DDX10: variants seen among roughly 807,000 people sequenced by gnomAD.
DDX10 encodes the protein DEAD-box helicase 10, also known as probable ATP-dependent RNA helicase DDX10.
A neutral mutation model predicts 104.3 loss-of-function variants in DDX10; 74 were observed. That is an observed-to-expected ratio of 0.71 (90% CI 0.59 to 0.86). The LOEUF is 0.86. DDX10 is among the 40% of genes least tolerant of loss of function. DDX10 has a pLI of 0.00. For missense variants in DDX10, 952 were observed against 1,040.0 expected (o/e 0.92, Z 1.16); for synonymous variants, 351 against 353.4 (o/e 0.99, Z 0.08).
intron 13 of DDX10, among the ~76,000 whole-genome samples, chr11:108,736,279 A>G (rs1489639398): frequency 1.3e-5 from 2 of 151,452 alleles, no homozygotes; most frequent in South Asian, 2.1e-4. Context: ...TTATATGGCC[A>G]TAAAATTATA....
At chr11:108,723,725 A>G (rs944137865) in intron 13 of DDX10, among the ~76,000 whole-genome samples, 5 of 152,192 alleles carry the variant, frequency 3.3e-5, no homozygotes, top group Non-Finnish European at 7.4e-5. Context: ...AAAAGTTGCC[A>G]AAGTCCTGAT....
intron 10 of DDX10, among the ~76,000 whole-genome samples, chr11:108,713,252 T>C (rs986282573): frequency 1.2e-4 from 19 of 152,146 alleles, no homozygotes; most frequent in African/African-American, 4.6e-4. Context: ...GGGGAAATTC[T>C]GAGTCATTAC....
At chr11:108,819,996 G>A (rs1862305233) in intron 13 of DDX10, among the ~76,000 whole-genome samples, 1 of 152,208 alleles carries the variant, frequency 6.6e-6, no homozygotes, top group Non-Finnish European at 1.5e-5. Flanking sequence ...ATTTCAATCA[G>A]TGGAATTGTG....
intron 2 of DDX10, among the ~76,000 whole-genome samples, chr11:108,673,795 G>T (rs145879559): frequency 2.0e-5 from 3 of 152,292 alleles, no homozygotes; most frequent in African/African-American, 7.2e-5. Context: ...AACAAACCAA[G>T]ATGCAACACC....
Position 108,677,776 on chromosome 11 carries a change from A to G in DDX10, c.537+533A>G, listed in dbSNP as rs551427660. Among the ~76,000 whole-genome samples, 4 of 151,394 alleles carry G rather than the reference A, an allele frequency of 2.6e-5. No homozygotes were observed. The South Asian group carries it at 8.5e-4, about 32-fold the overall frequency. On this transcript the variant is annotated intron_variant, in intron 4 of 17. Transcript: ENST00000322536. ...TACTTCAATTTTTATGCAAACATGCACAAAAGAAGAAAGAATAGCATCACA... is the reference window on the plus strand; with the variant it reads ...TACTTCAATTTTTATGCAAACATGCGCAAAAGAAGAAAGAATAGCATCACA...
intron 11 of DDX10, among the ~76,000 whole-genome samples, chr11:108,716,806 A>G (rs555097245): frequency 3.5e-4 from 53 of 152,294 alleles, no homozygotes; most frequent in African/African-American, 1.2e-3. Flanking sequence ...GATAAATTAT[A>G]TTTCTGGTAT....
intron 16 of DDX10, among the ~76,000 whole-genome samples, chr11:108,852,497 A>G (rs890722014): frequency 2.6e-5 from 4 of 152,096 alleles, no homozygotes; most frequent in African/African-American, 9.7e-5. Flanking sequence ...TTTTCCATAT[A>G]TTTTGCATCT....
chr11:108,895,439 C>T (rs913596799), intron 16 of DDX10, among the ~76,000 whole-genome samples: 8 of 152,060 alleles, frequency 5.3e-5, no homozygotes, highest in Admixed American at 3.3e-4. Context: ...TAAGGATTCA[C>T]TAGTTTTCCT....
intron 1 of DDX10, among the ~76,000 whole-genome samples, chr11:108,670,297 G>A (rs2094215324): frequency 6.6e-6 from 1 of 152,046 alleles, no homozygotes; most frequent in African/African-American, 2.4e-5. Flanking sequence ...CACAGGAGGG[G>A]GAATGTCCGT....
At chr11:108,844,906 G>A (rs1468284990) in intron 15 of DDX10, among the ~76,000 whole-genome samples, 1 of 152,082 alleles carries the variant, frequency 6.6e-6, no homozygotes, top group Non-Finnish European at 1.5e-5. Context: ...GATGAAAAGA[G>A]TTTCTTCCTG....
rs752533976 is a variant in DDX10 at position 108,841,370 on chromosome 11, A to G, written c.2141A>G (p.Asp714Gly). ...TCTGCCATCAAGGATGCTGAGGAAG[A>G]TGATGACACAGGTGGTATCAACTTA... is the stretch of plus-strand genomic sequence containing the variant. ...QKSAIKDAEEDDDTGGINLHK... is the reference protein window; with the variant it reads ...QKSAIKDAEEGDDTGGINLHK... The change falls in exon 15 of 18, where the codon GAT becomes GGT. Residue 714 changes from aspartate to glycine, a missense_variant. Physicochemically the swap from Asp to Gly is moderately conservative, Grantham distance 94. This residue lies in a region of DDX10 where 533 missense variants were observed against 534.1 expected (regional missense o/e 1.00). Coordinates refer to ENST00000322536, the MANE Select transcript of DDX10 (RefSeq NM_004398.4). The G allele has an allele frequency of 5.0e-6, 8 of 1,613,656 alleles. No homozygotes were observed. The highest frequency in any genetic ancestry group is 6.8e-6 in the Non-Finnish European group (8 of 1,179,832).
intron 11 of DDX10, among the ~76,000 whole-genome samples, chr11:108,716,983 T>A (rs897216646): frequency 6.6e-6 from 1 of 152,298 alleles, no homozygotes; most frequent in South Asian, 2.1e-4. Flanking sequence ...AGATGTGAAA[T>A]TATTTTTCAT....
intron 13 of DDX10, among the ~76,000 whole-genome samples, chr11:108,785,338 T>C (rs1861775935): frequency 1.3e-5 from 2 of 152,268 alleles, no homozygotes; most frequent in Middle Eastern, 3.4e-3. Flanking sequence ...TGGTATTTCG[T>C]TGAGGATTTT....
intron 13 of DDX10, among the ~76,000 whole-genome samples, chr11:108,766,311 G>A (rs1192649672): frequency 6.6e-6 from 1 of 152,120 alleles, no homozygotes; most frequent in South Asian, 2.1e-4. Context: ...CCTTTGTAAT[G>A]TCTTACCTGT....
At chr11:108,759,308 C>T (rs765270868) in intron 13 of DDX10, among the ~76,000 whole-genome samples, 1 of 151,942 alleles carries the variant, frequency 6.6e-6, no homozygotes, top group Non-Finnish European at 1.5e-5. Flanking sequence ...AAGCTAAACA[C>T]CAATAAACTT....
intron 1 of DDX10, among the ~76,000 whole-genome samples, chr11:108,671,015 A>G (rs2094216304): frequency 6.6e-6 from 1 of 152,190 alleles, no homozygotes. Context: ...CAACTTTTCC[A>G]ACAGCCGTGG....
intron 17 of DDX10, among the ~76,000 whole-genome samples, chr11:108,938,169 A>G (rs2134680921): frequency 6.6e-6 from 1 of 152,220 alleles, no homozygotes; most frequent in East Asian, 1.9e-4. Context: ...CCCTTTTGGT[A>G]ATTTGTCTGT....
chr11:108,693,539 C>T lies in DDX10; in HGVS notation c.1162C>T (p.Leu388Phe). ...AGATTTCCCGGCCGTGAATTGGGTT[C>T]TTCAGTTTGATTGTCCTGAGGATGC... ...GLDFPAVNWV[L>F]QFDCPEDANT... The change falls in exon 9 of 18, where the codon CTT becomes TTT. Residue 388 changes from leucine (L) to phenylalanine (F), a missense_variant. Around this residue, in one of 3 missense-constraint regions of DDX10, gnomAD observed 412 missense variants for 479.2 expected, o/e 0.86. Transcript: ENST00000322536. 4 of 1,614,124 alleles carry T rather than the reference C, an allele frequency of 2.5e-6. No individual in the cohort carries two copies. Among genetic ancestry groups the T allele is most frequent in the Non-Finnish European group, 3.4e-6 (4 of 1,179,990 alleles).
rs141361144 is a variant in DDX10, at chr11:108,858,955, T to C, written c.2304+6746T>C. ...ATTCTGTGATGCAGTTCCTTGCTCATAAATATTTGTTGATTGACCAAAAAA... is the reference window on the plus strand; with the variant it reads ...ATTCTGTGATGCAGTTCCTTGCTCACAAATATTTGTTGATTGACCAAAAAA... On this transcript the variant is annotated intron_variant, in intron 16 of 17. Transcript: ENST00000322536. Among the ~76,000 whole-genome samples the C allele has an allele frequency of 9.1e-4, 138 of 152,352 alleles. 1 individual carries two copies. The highest frequency in any genetic ancestry group is 3.2e-3 in the African/African-American group (135 of 41,590).
Sources: gnomAD v4.1 joint callset for allele counts (sites outside exome capture counted in the v4.1 genomes callset) on GRCh38, gnomAD v4.1.1 for gene constraint, gnomAD v4.1.1 regional missense constraint, MANE v1.5 for transcripts, NCBI Gene and HGNC (gene_info 2026-07-23, HGNC 2026-07-21) for gene names.